SPATA1: variants seen among roughly 807,000 people sequenced by gnomAD.
SPATA1 encodes spermatogenesis associated 1.
A neutral mutation model predicts 59.6 loss-of-function variants in SPATA1; 57 were observed. The observed-to-expected ratio is 0.96, with a 90% CI of 0.77 to 1.19. SPATA1 has a LOEUF of 1.19. Ranked by LOEUF, SPATA1 falls within the 50% of genes most tolerant of loss-of-function variation. The probability of loss-of-function intolerance (pLI) is 0.00; values close to 1 mark genes in which losing one functional copy is unlikely to be tolerated. For synonymous variants in SPATA1, 147 were observed against 163.9 expected (o/e 0.90, Z 0.79); for missense variants, 448 against 480.7 (o/e 0.93, Z 0.64).
At chr1:84,513,205 G>A (rs1390245621) in intron 1 of SPATA1, among the ~76,000 whole-genome samples, 2 of 152,106 alleles carry the variant, frequency 1.3e-5, no homozygotes, top group East Asian at 3.9e-4. Context: ...GCGCAATCTC[G>A]GCTCTCCGCA....
exon 4 of SPATA1, chr1:84,522,496 A>G: frequency 6.6e-7 from 1 of 1,515,730 alleles, no homozygotes; most frequent in Admixed American, 2.1e-5. Context: ...CATTGGAAAT[A>G]ATTTAGCTGT....
rs189613147 is a variant in SPATA1, at chr1:84,522,290, C to A, written c.144-100C>A. 4.6e-5 allele frequency: 27 copies of A among 592,518 alleles called. No individual in the cohort carries two copies. In the East Asian group the frequency reaches 8.6e-4, roughly 19 times the overall value. The allele number at this position is 592,518 out of a possible 1,614,324, so 36.7% of individuals were successfully genotyped here. The stretch of plus-strand genomic sequence containing the variant: ...TTAAGCTATATCTGACACATTAAAT[C>A]AACCTTTGTGTTTGAGATAGCTGAC... On this transcript the variant is annotated intron_variant, in intron 3 of 12. Coordinates refer to ENST00000490879, the Ensembl canonical transcript of SPATA1.
At chr1:84,532,919 G>C in exon 7 of SPATA1, 1 of 1,552,212 alleles carries the variant, frequency 6.4e-7, no homozygotes, top group Non-Finnish European at 8.7e-7. Flanking sequence ...TGGAAATTCT[G>C]AGTTGCCAGG....
intron 4 of SPATA1, among the ~76,000 whole-genome samples, chr1:84,560,126 AAAGAAAGG>A (rs1217323375): frequency 2.8e-5 from 4 of 141,446 alleles, no homozygotes; most frequent in African/African-American, 8.3e-5. Flanking sequence ...AGAAAGAAAG[AAAGAAAGG>A]AAAGAAAGAA....
chr1:84,510,761 T>C (rs1044267204), intron 1 of SPATA1, among the ~76,000 whole-genome samples: 1 of 152,190 alleles, frequency 6.6e-6, no homozygotes, highest in South Asian at 2.1e-4. Context: ...GCAACCTAAG[T>C]GTCTATCAAC....
At chr1:84,556,332 C>T (rs1684427861), downstream of SPATA1, among the ~76,000 whole-genome samples, 1 of 152,136 alleles carries the variant, frequency 6.6e-6, no homozygotes, top group Non-Finnish European at 1.5e-5. Context: ...TTTTTATATA[C>T]ATCTAGGAAA....
intron 1 of SPATA1, among the ~76,000 whole-genome samples, chr1:84,512,394 CCAAT>C (rs1034523755): frequency 2.6e-5 from 4 of 152,164 alleles, no homozygotes; most frequent in Non-Finnish European, 5.9e-5. Flanking sequence ...TTTCTGGCTC[CCAAT>C]CAATGTGATT....
intron 10 of SPATA1, among the ~76,000 whole-genome samples, 198 bp from the exon 11 acceptor site, chr1:84,548,588 T>C (rs903419068): frequency 1.3e-5 from 2 of 148,298 alleles, no homozygotes; most frequent in East Asian, 3.9e-4. Context: ...ATACAAGTTC[T>C]CTTATAATCC....
chr1:84,520,100 C>T (rs1393500974), intron 2 of SPATA1: 1 of 152,418 alleles, frequency 6.6e-6, no homozygotes, highest in East Asian at 1.9e-4. Context: ...TCCTGGAATT[C>T]TGGGGAATAA....
intron 8 of SPATA1, among the ~76,000 whole-genome samples, chr1:84,542,626 A>G (rs1483001171): frequency 2.0e-5 from 3 of 152,086 alleles, no homozygotes; most frequent in African/African-American, 7.2e-5. Context: ...CTCTCTGCTC[A>G]GATGTGGGCT....
intron 1 of SPATA1, among the ~76,000 whole-genome samples, chr1:84,511,675 C>CTTTTT (rs1682560932): frequency 8.4e-5 from 6 of 71,026 alleles, no homozygotes; most frequent in Non-Finnish European, 1.4e-4. Flanking sequence ...TTTTTTCTTT[C>CTTTTT]TTTCTTTTTT....
chr1:84,559,126 T>C (rs192882026), downstream of SPATA1, among the ~76,000 whole-genome samples: 1 of 152,344 alleles, frequency 6.6e-6, no homozygotes, highest in East Asian at 1.9e-4. Context: ...TTATGGCAAC[T>C]CTATTGAACA....
At chr1:84,522,283 A>G (rs1401206282) in intron 3 of SPATA1, 107 bp from the exon 4 acceptor site, 1 of 567,598 alleles carries the variant, frequency 1.8e-6, no homozygotes, top group South Asian at 5.6e-5. Context: ...TATCTGACAC[A>G]TTAAATCAAC....
chr1:84,554,798 GACTT>G, downstream of SPATA1: 1 of 495,252 alleles, frequency 2.0e-6, no homozygotes, highest in Non-Finnish European at 3.5e-6. Context: ...TAGGTAAGTT[GACTT>G]GCTTCTTGCC....
chr1:84,561,463 T>C (rs1235401891), intron 4 of SPATA1, among the ~76,000 whole-genome samples: 1 of 152,212 alleles, frequency 6.6e-6, no homozygotes, highest in Non-Finnish European at 1.5e-5. Flanking sequence ...GCTGTGAACA[T>C]TGTTCAAATA....
chr1:84,509,723 G>A (rs1449089122), intron 1 of SPATA1, among the ~76,000 whole-genome samples: 2 of 152,294 alleles, frequency 1.3e-5, no homozygotes, highest in South Asian at 2.1e-4. Context: ...CGGAGATCAC[G>A]CCATTGCACT....
chr1:84,544,370 G>A, intron 9 of SPATA1, 66 bp downstream of exon 9: 4 of 1,245,042 alleles, frequency 3.2e-6, no homozygotes, highest in Non-Finnish European at 4.6e-6. Flanking sequence ...TTAATGGGGA[G>A]TTACTGTTTA....
At chr1:84,560,083 CAA>C (rs751117358) in intron 4 of SPATA1, among the ~76,000 whole-genome samples, 1 of 61,352 alleles carries the variant, frequency 1.6e-5, no homozygotes, top group Non-Finnish European at 3.2e-5. Flanking sequence ...GACTCTGTCT[CAA>C]AAAAAAAAAA....
rs201624304 is a variant in SPATA1 at position 84,563,548 on chromosome 1, TA to T, written n.443-2309del. The T allele has an allele frequency of 5.5e-3, 3,841 of 704,020 alleles. 109 individuals carry two copies. The African/African-American group carries it at 0.06, about 11-fold the overall frequency. The allele number at this position is 704,020 out of a possible 1,614,324, so 43.6% of individuals were successfully genotyped here. On this transcript the variant is annotated intron_variant and non_coding_transcript_variant, in intron 4 of 4. Coordinates refer to the SPATA1 transcript ENST00000460286. ...AAACCTGACTATACAGAAAAAAGGT[TA>T]AAATAAATTTCATTATTAAATGAAA...
Sources: gnomAD v4.1 joint callset for allele counts (sites outside exome capture counted in the v4.1 genomes callset) on GRCh38, gnomAD v4.1.1 for gene constraint, MANE v1.5 for transcripts, NCBI Gene and HGNC (gene_info 2026-07-23, HGNC 2026-07-21) for gene names.